RNF216: variants seen among roughly 807,000 people sequenced by gnomAD.
RNF216 encodes ring finger protein 216.
Under a neutral mutation model 110.8 loss-of-function variants are expected in RNF216, and 72 were observed. The observed-to-expected ratio is 0.65, with a 90% CI of 0.54 to 0.79. The LOEUF is 0.79. RNF216 is among the 30% of genes least tolerant of loss of function. RNF216 has a pLI of 0.00. For synonymous variants in RNF216, 495 were observed against 407.5 expected (o/e 1.21, Z -2.59); for missense variants, 1,342 against 1,141.2 (o/e 1.18, Z -2.54).
chr7:5,637,992 C>A (rs533060385), intron 15 of RNF216, among the ~76,000 whole-genome samples: 2 of 152,204 alleles, frequency 1.3e-5, no homozygotes, highest in Non-Finnish European at 2.9e-5. Context: ...AGGCCCTCCC[C>A]GCAACAACCT....
intron 3 of RNF216, 110 bp downstream of exon 3, chr7:5,752,736 T>C: frequency 9.3e-7 from 1 of 1,077,182 alleles, no homozygotes; most frequent in East Asian, 2.5e-5. Flanking sequence ...GGGGCTGTTC[T>C]CAGAACGAGT....
At chr7:5,756,461 C>G (rs1374540406) in intron 2 of RNF216, among the ~76,000 whole-genome samples, 1 of 152,190 alleles carries the variant, frequency 6.6e-6, no homozygotes, top group Non-Finnish European at 1.5e-5. Context: ...CCCTAGTTAT[C>G]TTGGTTCCCT....
chr7:5,687,394 C>CAAAAAAAAAAAAAAAAAAAAAA (rs372177142), intron 13 of RNF216, among the ~76,000 whole-genome samples: 2 of 49,890 alleles, frequency 4.0e-5, no homozygotes, highest in African/African-American at 1.2e-4. Context: ...AACTCCACCT[C>CAAAAAAAAAAAAAAAAAAAAAA]AAAAAAAAAA....
At chr7:5,721,716 T>C (rs377309484) in intron 8 of RNF216, among the ~76,000 whole-genome samples, 10 of 152,366 alleles carry the variant, frequency 6.6e-5, no homozygotes, top group African/African-American at 2.4e-4. Context: ...CGGTTTTTAA[T>C]TTTAGCCATT....
intron 3 of RNF216, among the ~76,000 whole-genome samples, chr7:5,746,330 A>G (rs1795028149): frequency 6.6e-6 from 1 of 152,140 alleles, no homozygotes; most frequent in Non-Finnish European, 1.5e-5. Context: ...CACTGGCAAT[A>G]ACTGTATTTT....
chr7:5,716,664 G>C (rs1793084104), intron 10 of RNF216, 52 bp downstream of exon 10: 2 of 1,427,458 alleles, frequency 1.4e-6, no homozygotes, highest in African/African-American at 1.4e-5. Context: ...CATGGTAAGA[G>C]AAAACAGCCC....
intron 3 of RNF216, among the ~76,000 whole-genome samples, chr7:5,743,021 G>C (rs1794847545): frequency 6.6e-6 from 1 of 152,162 alleles, no homozygotes; most frequent in Admixed American, 6.5e-5. Flanking sequence ...CCAGCATTCA[G>C]GGAGGCCAAG....
intron 2 of RNF216, among the ~76,000 whole-genome samples, chr7:5,754,155 TGTGTGTGC>T (rs1436642242): frequency 7.1e-6 from 1 of 141,280 alleles, no homozygotes; most frequent in Admixed American, 7.0e-5. Context: ...TGTGTGTGTG[TGTGTGTGC>T]GCATTTGTCT....
intron 13 of RNF216, among the ~76,000 whole-genome samples, chr7:5,681,147 T>C (rs1790626939): frequency 6.6e-6 from 1 of 152,128 alleles, no homozygotes; most frequent in African/African-American, 2.4e-5. Context: ...TTTGGACAAG[T>C]CCTGAATCGT....
rs567568407 is a variant in RNF216 at position 5,635,680 on chromosome 7, G to A, written c.2382+5474C>T. Among the ~76,000 whole-genome samples the A allele has an allele frequency of 9.9e-5, 15 of 152,278 alleles. 1 individual carries two copies. Among genetic ancestry groups the A allele is most frequent in the African/African-American group, 1.7e-4 (7 of 41,550 alleles). On this transcript the variant is annotated intron_variant, in intron 15 of 16. Transcript: ENST00000389902. Reference sequence around the variant, plus strand: ...GAGAAGGCAGGCCTGGGAATACTCCGAGGACAAATGACCCGGGTGGAAACC... The same window carrying A: ...GAGAAGGCAGGCCTGGGAATACTCCAAGGACAAATGACCCGGGTGGAAACC...
intron 13 of RNF216, among the ~76,000 whole-genome samples, chr7:5,687,068 T>C (rs534573136): frequency 1.3e-5 from 2 of 152,048 alleles, no homozygotes; most frequent in African/African-American, 4.8e-5. Context: ...CAAGTGAATG[T>C]TATAGAAACA....
At chr7:5,727,261 C>T (rs149754825) in intron 7 of RNF216, among the ~76,000 whole-genome samples, 74 of 152,316 alleles carry the variant, frequency 4.9e-4, no homozygotes, top group African/African-American at 1.8e-3. Context: ...AGAAACTTAT[C>T]AAAGGAGCTG....
chr7:5,689,375 AAAAAG>A (rs1402503330), intron 13 of RNF216, among the ~76,000 whole-genome samples: 1 of 151,826 alleles, frequency 6.6e-6, no homozygotes, highest in African/African-American at 2.4e-5. Context: ...AAAAAAAAAA[AAAAAG>A]AAAGAAGAAG....
chr7:5,695,647 T>C (rs1791580558), intron 13 of RNF216, among the ~76,000 whole-genome samples: 1 of 152,188 alleles, frequency 6.6e-6, no homozygotes, highest in Non-Finnish European at 1.5e-5. Context: ...GATGACAGAA[T>C]GGAAAGTTGT....
At chr7:5,658,262 C>T (rs1788873375) in intron 13 of RNF216, among the ~76,000 whole-genome samples, 1 of 152,216 alleles carries the variant, frequency 6.6e-6, no homozygotes. Context: ...AGCCAAGTAT[C>T]TGAACCTCAG....
chr7:5,681,827 C>G (rs1332356797), intron 13 of RNF216, among the ~76,000 whole-genome samples: 1 of 152,170 alleles, frequency 6.6e-6, no homozygotes, highest in East Asian at 1.9e-4. Flanking sequence ...GGGAAACACC[C>G]AGAAAAGGAG....
chr7:5,758,134 T>G (rs1314103611), intron 2 of RNF216, among the ~76,000 whole-genome samples: 1 of 152,238 alleles, frequency 6.6e-6, no homozygotes, highest in Non-Finnish European at 1.5e-5. Context: ...AATGAATTAG[T>G]TGTTCTTAAA....
chr7:5,731,583 C>A (rs1584530178), intron 5 of RNF216, among the ~76,000 whole-genome samples: 1 of 151,482 alleles, frequency 6.6e-6, no homozygotes, highest in Non-Finnish European at 1.5e-5. Context: ...CACCTTGGAA[C>A]AACTGCACAG....
chr7:5,748,131 C>A (rs1030267491), intron 3 of RNF216, among the ~76,000 whole-genome samples: 1 of 152,156 alleles, frequency 6.6e-6, no homozygotes, highest in African/African-American at 2.4e-5. Flanking sequence ...AAACCCACTA[C>A]AACTCTTAAC....
Sources: allele counts gnomAD v4.1 joint callset (sites outside exome capture counted in the v4.1 genomes callset), GRCh38; gene constraint gnomAD v4.1.1; transcripts MANE v1.5; gene names NCBI Gene and HGNC (gene_info 2026-07-23, HGNC 2026-07-21).